The following SPTBN2 variants were observed in gnomAD, a reference collection of about 807,000 sequenced individuals.
The protein encoded by SPTBN2 is spectrin beta, non-erythrocytic 2, also known as spectrin beta chain, non-erythrocytic 2.
Under a neutral mutation model 284.2 loss-of-function variants are expected in SPTBN2, and 107 were observed. The ratio of observed to expected loss-of-function variants is 0.38; its 90% CI spans 0.32 to 0.44. The LOEUF (loss-of-function observed/expected upper bound fraction) is 0.44. Among genes scored for constraint, SPTBN2 ranks in the 20% least tolerant of loss-of-function variants. The probability of loss-of-function intolerance (pLI) is 1.00; values close to 1 mark genes in which losing one functional copy is unlikely to be tolerated. For synonymous variants in SPTBN2, 1,289 were observed against 1,354.8 expected, an observed-to-expected ratio of 0.95 and a Z score of 1.07; for missense variants, 2,569 against 3,287.1, an observed-to-expected ratio of 0.78 and a Z score of 5.34.
chr11:66,714,200 G>A (rs138086251), intron 6 of SPTBN2, 29 bp from the exon 7 acceptor site: 2 of 1,612,108 alleles, frequency 1.2e-6, no homozygotes, highest in Non-Finnish European at 1.7e-6. Context: ...AAAATGGTGA[G>A]TAGGGCTGAG....
At chr11:66,736,553 C>A (rs1051420690) in intron 1 of SPTBN2, among the ~76,000 whole-genome samples, 3 of 152,172 alleles carry the variant, frequency 2.0e-5, no homozygotes, top group Non-Finnish European at 4.4e-5. Flanking sequence ...ATGCCACTAA[C>A]CCCTGTGAAT....
intron 1 of SPTBN2, among the ~76,000 whole-genome samples, chr11:66,739,829 C>G (rs1028499827): frequency 6.6e-6 from 1 of 152,120 alleles, no homozygotes; most frequent in Non-Finnish European, 1.5e-5. Context: ...GTCAGGTGTT[C>G]GAGACCAGCC....
rs77392949 is a variant in SPTBN2 at position 66,726,028 on chromosome 11, C to T, written c.-114+2713G>A. Reference sequence around the variant, plus strand: ...ACATCGCATTACGGTTAGTTGTTTACGTGTCTCTCTGCCCGCTCCACATTT... The same window carrying T: ...ACATCGCATTACGGTTAGTTGTTTATGTGTCTCTCTGCCCGCTCCACATTT... On this transcript the variant is annotated intron_variant, in intron 1 of 37. Transcript: ENST00000533211. 3.2e-3 allele frequency among the ~76,000 whole-genome samples: 488 copies of T among 152,290 alleles called. 3 individuals are homozygous for T. The highest frequency in any genetic ancestry group is 0.011 in the African/African-American group (452 of 41,554).
chr11:66,711,471 C>T (rs1481478482), intron 8 of SPTBN2, among the ~76,000 whole-genome samples: 1 of 152,182 alleles, frequency 6.6e-6, no homozygotes, highest in Non-Finnish European at 1.5e-5. Flanking sequence ...GATCGATGGG[C>T]CCTGTGATCC....
At chr11:66,694,642 A>G (rs1023286429) in intron 21 of SPTBN2, among the ~76,000 whole-genome samples, 47 of 152,212 alleles carry the variant, frequency 3.1e-4, no homozygotes, top group African/African-American at 1.0e-3. Flanking sequence ...AATATAACTT[A>G]TAACAAACCT....
At chr11:66,714,474 A>T in intron 5 of SPTBN2, 67 bp from the exon 6 acceptor site, 3 of 1,364,346 alleles carry the variant, frequency 2.2e-6, no homozygotes, top group Non-Finnish European at 3.1e-6. Flanking sequence ...AGAGATGCTC[A>T]GATAAATGGC....
chr11:66,717,001 T>C (rs920012937), intron 3 of SPTBN2, among the ~76,000 whole-genome samples: 5 of 151,858 alleles, frequency 3.3e-5, no homozygotes, highest in African/African-American at 1.2e-4. Context: ...CTTCTGGGGG[T>C]TGGGGACAGT....
At chr11:66,733,737 C>T (rs1326194547), upstream of SPTBN2, among the ~76,000 whole-genome samples, 1 of 152,142 alleles carries the variant, frequency 6.6e-6, no homozygotes, top group South Asian at 2.1e-4. Context: ...AACAGAACTT[C>T]CACTCTAAAG....
Position 66,707,645 on chromosome 11 carries a change from G to T in SPTBN2, c.1524C>A (p.Asn508Lys), listed in dbSNP as rs774837229. The T allele has an allele frequency of 1.2e-6, 2 of 1,609,114 alleles. No individual in the cohort carries two copies. The highest frequency in any genetic ancestry group is 8.5e-7 in the Non-Finnish European group (1 of 1,179,950). Residue 508 changes from asparagine (N) to lysine (K), a missense_variant, in exon 13 of 38, where the codon AAC becomes AAA. Asn to Lys is a moderately conservative substitution (Grantham distance 94, BLOSUM62 0). Around this residue, in one of 6 missense-constraint regions of SPTBN2, gnomAD observed 1,012 missense variants for 1,248.9 expected, o/e 0.81. Coordinates refer to ENST00000533211, the MANE Select transcript of SPTBN2 (RefSeq NM_006946.4). The surrounding 1 kb of genome is among the most constrained non-coding windows in gnomAD (Gnocchi z 4.9). ...DIKRIAARQH[N>K]VARLWDFLRQ... ...GCAAGAAGTCCCAGAGCCGTGCCAC[G>T]TTGTGCTGCCGAGCGGCGATGCGCT... is the stretch of plus-strand genomic sequence containing the variant.
intron 26 of SPTBN2, among the ~76,000 whole-genome samples, chr11:66,692,172 G>A (rs1227626349): frequency 6.6e-6 from 1 of 152,102 alleles, no homozygotes; most frequent in Non-Finnish European, 1.5e-5. Context: ...CCAGGCTCAA[G>A]AGATCCTCCC....
rs934696972 is a variant in SPTBN2, at chr11:66,685,771, A to G, written c.*100T>C. The G allele has an allele frequency of 2.6e-5, 30 of 1,151,524 alleles. No individual in the cohort carries two copies. Among genetic ancestry groups the G allele is most frequent in the Middle Eastern group, 5.2e-4 (2 of 3,860 alleles). The allele number at this position is 1,151,524 out of a possible 1,614,324, so 71.3% of individuals were successfully genotyped here. A position where few individuals can be genotyped will look rare whatever the true frequency, so the allele number is the denominator to read the frequency against. ...TGGGTTGACCTTGGCAACAGACCCT[A>G]GCAGCAGGCAGTTGTCCTGACAAGA... On this transcript the variant is annotated 3_prime_UTR_variant, in exon 38 of 38. Transcript: ENST00000533211. This position sits in a 1 kb window ranked among gnomAD's most constrained non-coding sequence, Gnocchi z 4.4.
In SPTBN2 at chr11:66,713,708, T is replaced by A; in HGVS notation, c.695A>T (p.Asn232Ile). 6.2e-7 allele frequency: 1 copy of A among 1,614,130 alleles called. No homozygotes were observed. Among genetic ancestry groups the A allele is most frequent in the Non-Finnish European group, 8.5e-7 (1 of 1,180,024 alleles). ...TGCATTCTGCAGATTATAGTGTGCATTACACTTCTTCAGAGACTCAAAATC... is the reference window on the plus strand; with the variant it reads ...TGCATTCTGCAGATTATAGTGTGCAATACACTTCTTCAGAGACTCAAAATC... ...LLDFESLKKCNAHYNLQNAFN... is the reference protein window; with the variant it reads ...LLDFESLKKCIAHYNLQNAFN... The change falls in exon 8 of 38, where the codon AAT (asparagine) becomes ATT (isoleucine). Residue 232 changes from asparagine to isoleucine, a missense_variant. By Grantham distance (149) the Asn-to-Ile change is moderately radical. Around this residue, in one of 6 missense-constraint regions of SPTBN2, gnomAD observed 304 missense variants for 522.1 expected, o/e 0.58. Transcript: ENST00000533211.
Position 66,710,559 on chromosome 11 carries a change from G to A in SPTBN2, c.1073+23C>T, listed in dbSNP as rs1382352629. The A allele has an allele frequency of 6.2e-7, 1 of 1,611,054 alleles. No individual in the cohort carries two copies. The highest frequency in any genetic ancestry group is 1.7e-5 in the Admixed American group (1 of 59,598). ...CTCGTGGGAGCACAGCTCAGGGAAG[G>A]GTGGGGCCCCAGGGACACCTACTTG... On this transcript the variant is annotated intron_variant, in intron 10 of 37. Coordinates refer to ENST00000533211, the MANE Select transcript of SPTBN2 (RefSeq NM_006946.4). The surrounding 1 kb of genome is among the most constrained non-coding windows in gnomAD (Gnocchi z 4.9).
Position 66,721,359 on chromosome 11 carries a change from G to A in SPTBN2, c.-32C>T, listed in dbSNP as rs1286575476. On this transcript the variant is annotated 5_prime_UTR_variant, in exon 2 of 38. Coordinates refer to ENST00000533211, the MANE Select transcript of SPTBN2 (RefSeq NM_006946.4). Reference sequence around the variant, plus strand: ...TGTCTTCTTGCCCTACCTGTGCTCCGCTCTCCTTGTGGCCAGAGGCTGCGG... The same window carrying A: ...TGTCTTCTTGCCCTACCTGTGCTCCACTCTCCTTGTGGCCAGAGGCTGCGG... 31 of 1,386,078 alleles carry A rather than the reference G, an allele frequency of 2.2e-5. No individual in the cohort carries two copies. Among genetic ancestry groups the A allele is most frequent in the Non-Finnish European group, 3.0e-5 (29 of 982,818 alleles). 85.9% of individuals were successfully genotyped at this position (1,386,078 alleles called of 1,614,324 possible). A position where few individuals can be genotyped will look rare whatever the true frequency, so the allele number is the denominator to read the frequency against.
At position 66,690,199 on chromosome 11, in the gene SPTBN2, C is replaced by G; in HGVS notation, c.5650G>C (p.Ala1884Pro). 1 of 1,613,920 alleles carries G rather than the reference C, an allele frequency of 6.2e-7. No homozygotes were observed. The highest frequency in any genetic ancestry group is 8.5e-7 in the Non-Finnish European group (1 of 1,179,944). The change falls in exon 28 of 38, where the codon GCC (alanine) becomes CCC (proline). Residue 1884 changes from alanine (A) to proline (P), a missense_variant. Coordinates refer to ENST00000533211, the MANE Select transcript of SPTBN2 (RefSeq NM_006946.4). ...KAEEIGRHMQ[A>P]VAEAWAQLQG... ...AGCTGGGCCCAGGCCTCGGCCACGGCCTGCATGTGGCGGCCGATCTCCTCA... is the reference window on the plus strand; with the variant it reads ...AGCTGGGCCCAGGCCTCGGCCACGGGCTGCATGTGGCGGCCGATCTCCTCA...
chr11:66,701,135 G>C lies in SPTBN2; in HGVS notation c.2964C>G (p.Gly988=). Reference sequence around the variant, plus strand: ...GGGCCAGCACCCCAGCCAGATCGTTGCCTAGGCCCTGGGTGGACTCGATGA... The same window carrying C: ...GGGCCAGCACCCCAGCCAGATCGTTCCCTAGGCCCTGGGTGGACTCGATGA... The part of the protein sequence containing the change: ...TKVIESTQGL[G]NDLAGVLALQ... Residue 988 remains glycine, a synonymous_variant, in exon 17 of 38, where the codon GGC becomes GGG. Transcript: ENST00000533211. 1 of 1,613,152 alleles carries C rather than the reference G, an allele frequency of 6.2e-7. No homozygotes were observed. The highest frequency in any genetic ancestry group is 2.2e-5 in the East Asian group (1 of 44,892).
Position 66,687,436 on chromosome 11 carries a change from G to T in SPTBN2, c.6713C>A (p.Ala2238Asp). Residue 2238 changes from alanine (A) to aspartate (D), a missense_variant, in exon 35 of 38, where the codon GCT (alanine) becomes GAT (aspartate). Transcript: ENST00000533211. The surrounding 1 kb of genome is among the most constrained non-coding windows in gnomAD (Gnocchi z 5.2). ...TCCAGAGAGGCTGTACCTGTTGGCA[G>T]CCTTCTTCCCGAAGGCCTCCATCTC... is the stretch of plus-strand genomic sequence containing the variant. ...KQEMEAFGKK[A>D]ANRSWQNVYC... 1 of 1,606,356 alleles carries T rather than the reference G, an allele frequency of 6.2e-7. No individual in the cohort carries two copies.
intron 8 of SPTBN2, among the ~76,000 whole-genome samples, chr11:66,711,982 A>G (rs985649210): frequency 1.3e-5 from 2 of 152,202 alleles, no homozygotes; most frequent in African/African-American, 4.8e-5. Flanking sequence ...GAACTTAAGG[A>G]GCACCTCCAG....
chr11:66,717,122 T>C (rs777698797), intron 3 of SPTBN2, among the ~76,000 whole-genome samples: 15 of 150,842 alleles, frequency 9.9e-5, no homozygotes, highest in Non-Finnish European at 2.1e-4. Flanking sequence ...CCAGGAAACA[T>C]GGGGGAAAAA....
Sources: gnomAD v4.1 joint callset for allele counts (sites outside exome capture counted in the v4.1 genomes callset) on GRCh38, gnomAD v4.1.1 for gene constraint, gnomAD v4.1.1 regional missense constraint, Gnocchi (gnomAD v3.1) non-coding constraint, MANE v1.5 for transcripts, NCBI Gene and HGNC (gene_info 2026-07-23, HGNC 2026-07-21) for gene names.